NRG1: variants seen among roughly 807,000 people sequenced by gnomAD.
The protein encoded by NRG1 is neuregulin 1.
A neutral mutation model predicts 63.8 loss-of-function variants in NRG1; 18 were observed. The ratio of observed to expected loss-of-function variants is 0.28; its 90% confidence interval spans 0.19 to 0.42. NRG1 has a LOEUF of 0.42. Ranked by LOEUF, NRG1 falls within the 10% of genes least tolerant of loss-of-function variation. The pLI is 1.00. For missense variants in NRG1, 762 were observed against 814.7 expected (o/e 0.94, Z 0.79); for synonymous variants, 302 against 301.3 (o/e 1.00, Z -0.02).
chr8:32,264,918 C>G (rs905082386), intron 1 of NRG1, among the ~76,000 whole-genome samples: 2 of 152,068 alleles, frequency 1.3e-5, no homozygotes, highest in Non-Finnish European at 2.9e-5. Flanking sequence ...AGAAAAAGTT[C>G]AACGGAAATA....
intron 1 of NRG1, among the ~76,000 whole-genome samples, chr8:32,010,772 C>T (rs1814624680): frequency 6.6e-6 from 1 of 151,956 alleles, no homozygotes; most frequent in African/African-American, 2.4e-5. Context: ...TTTCTGATAT[C>T]GTTAGGTGGG....
chr8:31,640,182 G>T lies in NRG1; in HGVS notation c.37+751G>T. On this transcript the variant is annotated intron_variant, in intron 1 of 10. Coordinates refer to the NRG1 transcript ENST00000519301. This position sits in a 1 kb window ranked among gnomAD's most constrained non-coding sequence, Gnocchi z 6.3. Reference sequence around the variant, plus strand: ...GGGCCTCGGTGTGCTACTCGTCCCCGCCCAGCGTGGGATCGGTGCAGGAGC... The same window carrying T: ...GGGCCTCGGTGTGCTACTCGTCCCCTCCCAGCGTGGGATCGGTGCAGGAGC... 2 of 1,185,916 alleles carry T rather than the reference G, an allele frequency of 1.7e-6. No homozygotes were observed. The highest frequency in any genetic ancestry group is 2.1e-6 in the Non-Finnish European group (2 of 957,836). 73.5% of individuals were successfully genotyped at this position (1,185,916 alleles called of 1,614,324 possible).
chr8:32,444,917 A>T (rs1301821984), intron 1 of NRG1, among the ~76,000 whole-genome samples: 1 of 152,148 alleles, frequency 6.6e-6, no homozygotes, highest in Non-Finnish European at 1.5e-5. Context: ...TCTGTGATTG[A>T]TTTTTCTGCA....
chr8:31,985,655 T>A (rs985090987), intron 1 of NRG1, among the ~76,000 whole-genome samples: 4 of 152,090 alleles, frequency 2.6e-5, no homozygotes, highest in African/African-American at 9.7e-5. Context: ...AACAAAAATA[T>A]AATGACATTT....
At chr8:32,106,011 A>C (rs1831211728) in intron 1 of NRG1, among the ~76,000 whole-genome samples, 1 of 152,242 alleles carries the variant, frequency 6.6e-6, no homozygotes, top group Admixed American at 6.5e-5. Flanking sequence ...TAATTCTGCC[A>C]AATAGGCTGA....
chr8:31,967,434 TCAGA>T (rs1806539159), intron 1 of NRG1, among the ~76,000 whole-genome samples: 1 of 152,124 alleles, frequency 6.6e-6, no homozygotes, highest in African/African-American at 2.4e-5. Flanking sequence ...CTGAGTAGCC[TCAGA>T]CAGTGGAGTC....
intron 1 of NRG1, among the ~76,000 whole-genome samples, chr8:32,324,433 G>A (rs568861480): frequency 2.0e-5 from 3 of 152,206 alleles, no homozygotes; most frequent in South Asian, 4.1e-4. Flanking sequence ...TTTGAGTACC[G>A]GGAATTCAGC....
chr8:32,642,992 T>A lies in NRG1; in HGVS notation c.502+26107T>A, dbSNP rs149675598. Among the ~76,000 whole-genome samples the A allele has an allele frequency of 7.7e-3, 1,175 of 152,360 alleles. 6 individuals carry two copies. The highest frequency in any genetic ancestry group is 0.024 in the Middle Eastern group (7 of 294). Reference sequence around the variant, plus strand: ...GAATTCATAGCCTAGCTTGAATTGATGTAGCTGAGGAATTCTAGTATTTTT... The same window carrying A: ...GAATTCATAGCCTAGCTTGAATTGAAGTAGCTGAGGAATTCTAGTATTTTT... On this transcript the variant is annotated intron_variant, in intron 5 of 11. Coordinates refer to ENST00000356819, the Ensembl canonical transcript of NRG1.
rs372674660 is a variant in NRG1 at position 31,665,236 on chromosome 8, C to T, written c.37+25805C>T. Reference sequence around the variant, plus strand: ...AGAAAGTATAAATATATGACCCAAACTTCCTTAACCATTGACAGGACAAGT... The same window carrying T: ...AGAAAGTATAAATATATGACCCAAATTTCCTTAACCATTGACAGGACAAGT... On this transcript the variant is annotated intron_variant, in intron 1 of 10. Coordinates refer to the NRG1 transcript ENST00000519301. Among the ~76,000 whole-genome samples, 100 of 152,334 alleles carry T rather than the reference C, an allele frequency of 6.6e-4. 2 individuals carry two copies. In the South Asian group the frequency reaches 0.02, roughly 31 times the overall value.
At chr8:32,739,022 A>G (rs1055524986) in intron 6 of NRG1, among the ~76,000 whole-genome samples, 1 of 152,184 alleles carries the variant, frequency 6.6e-6, no homozygotes, top group African/African-American at 2.4e-5. Context: ...CAGTGATTCC[A>G]TGTGTTAGAA....
rs1388818695 is a variant in NRG1, at chr8:31,640,407, C to T, written c.37+976C>T. 1.3e-6 allele frequency: 2 copies of T among 1,483,164 alleles called. No individual in the cohort carries two copies. The highest frequency in any genetic ancestry group is 1.5e-5 in the African/African-American group (1 of 68,656). The allele number at this position is 1,483,164 out of a possible 1,614,324, so 91.9% of individuals were successfully genotyped here. A position where few individuals can be genotyped will look rare whatever the true frequency, so the allele number is the denominator to read the frequency against. Reference sequence around the variant, plus strand: ...TGCTCGCCGCCAACGGGACCGTGCCCTCTTGGCCCACCGCCCCGGTGCCCA... The same window carrying T: ...TGCTCGCCGCCAACGGGACCGTGCCTTCTTGGCCCACCGCCCCGGTGCCCA... On this transcript the variant is annotated intron_variant, in intron 1 of 10. Coordinates refer to the NRG1 transcript ENST00000519301. The surrounding 1 kb of genome is among the most constrained non-coding windows in gnomAD (Gnocchi z 6.3).
intron 1 of NRG1, among the ~76,000 whole-genome samples, chr8:32,235,233 A>G (rs1239958890): frequency 7.5e-5 from 1 of 13,332 alleles, no homozygotes; most frequent in Non-Finnish European, 1.3e-4. Context: ...ATCTCTACAA[A>G]AAAAAAAAAA....
chr8:31,754,902 T>G (rs1816815945), intron 1 of NRG1, among the ~76,000 whole-genome samples: 1 of 152,130 alleles, frequency 6.6e-6, no homozygotes, highest in African/African-American at 2.4e-5. Flanking sequence ...TTCTAGGCAC[T>G]GGAGTGGGGG....
intron 1 of NRG1, among the ~76,000 whole-genome samples, chr8:32,479,538 T>C (rs943349926): frequency 1.3e-5 from 2 of 152,150 alleles, no homozygotes; most frequent in African/African-American, 2.4e-5. Context: ...TTTGTCATAG[T>C]TCAAAGAAAA....
intron 5 of NRG1, among the ~76,000 whole-genome samples, chr8:32,706,128 A>G (rs896870202): frequency 2.0e-5 from 3 of 152,226 alleles, no homozygotes; most frequent in East Asian, 3.8e-4. Context: ...AGATGCCTAT[A>G]GCAGTTTCAC....
chr8:32,760,622 A>G (rs1449716456), intron 11 of NRG1: 67 of 1,357,124 alleles, frequency 4.9e-5, no homozygotes, highest in Non-Finnish European at 6.0e-5. Context: ...GACAGGCAAC[A>G]GACTCTTAAA....
At chr8:31,720,081 T>C (rs985640947) in intron 1 of NRG1, among the ~76,000 whole-genome samples, 1 of 152,186 alleles carries the variant, frequency 6.6e-6, no homozygotes, top group Non-Finnish European at 1.5e-5. Flanking sequence ...ATGAAAGATA[T>C]TTCCAGGTTA....
At chr8:32,760,305 A>G (rs1430488131) in exon 11 of NRG1, 1 of 1,613,998 alleles carries the variant, frequency 6.2e-7, no homozygotes, top group Non-Finnish European at 8.5e-7. Flanking sequence ...GGGGCCCAAG[A>G]GGACGTCTTA....
At chr8:31,712,449 T>C (rs547757017) in intron 1 of NRG1, among the ~76,000 whole-genome samples, 109 of 152,044 alleles carry the variant, frequency 7.2e-4, no homozygotes, top group Non-Finnish European at 1.4e-3. Context: ...TTTGTATTTT[T>C]AGTAGAGAAG....
Sources: allele counts gnomAD v4.1 joint callset (sites outside exome capture counted in the v4.1 genomes callset), GRCh38; gene constraint gnomAD v4.1.1; non-coding constraint Gnocchi (gnomAD v3.1); transcripts MANE v1.5; gene names NCBI Gene and HGNC (gene_info 2026-07-23, HGNC 2026-07-21).